Variants in PUM2 observed in about 807,000 individuals in gnomAD.
PUM2 encodes pumilio RNA binding family member 2, also known as pumilio homolog 2.
In PUM2, 57 loss-of-function variants were observed where a neutral mutation model predicts 124.5. The observed-to-expected ratio is 0.46, with a 90% CI of 0.37 to 0.57. The LOEUF (loss-of-function observed/expected upper bound fraction) is 0.57. Ranked by LOEUF, PUM2 falls within the 20% of genes least tolerant of loss-of-function variation. The pLI is 0.00. For synonymous variants in PUM2, 460 were observed against 446.1 expected (o/e 1.03, Z -0.39); for missense variants, 1,065 against 1,290.6 (o/e 0.83, Z 2.68).
intron 13 of PUM2, among the ~76,000 whole-genome samples, chr2:20,274,522 G>A (rs34065896): frequency 0.14 from 20,687 of 152,012 alleles, 2,129 homozygotes; most frequent in East Asian, 0.5. Context: ...TGGAAGACAG[G>A]TTAGGAAATT....
intron 7 of PUM2, among the ~76,000 whole-genome samples, chr2:20,304,701 T>C (rs1192629927): frequency 3.3e-5 from 5 of 152,204 alleles, no homozygotes; most frequent in Admixed American, 2.0e-4. Flanking sequence ...GCATTTAAAA[T>C]GTGACTAGTT....
intron 13 of PUM2, among the ~76,000 whole-genome samples, chr2:20,277,602 A>C (rs1157160311): frequency 6.6e-6 from 1 of 152,098 alleles, no homozygotes; most frequent in Admixed American, 6.6e-5. Flanking sequence ...TGTATTAGTA[A>C]GTTTTTTTGC....
intron 16 of PUM2, among the ~76,000 whole-genome samples, chr2:20,256,605 T>C (rs1033976434): frequency 6.6e-5 from 10 of 152,312 alleles, no homozygotes; most frequent in African/African-American, 2.2e-4. Context: ...TTATTTTTAA[T>C]GGCTGAGTGA....
intron 13 of PUM2, among the ~76,000 whole-genome samples, chr2:20,274,666 A>G (rs1363920534): frequency 6.6e-6 from 1 of 151,982 alleles, no homozygotes; most frequent in Non-Finnish European, 1.5e-5. Context: ...CTTTTTGTTA[A>G]GAAAAAAATA....
rs1662977298 is a variant in PUM2, at chr2:20,250,235, T to C, written c.*1350A>G. 1.3e-5 allele frequency: 2 copies of C among 152,560 alleles called. No individual in the cohort carries two copies. Among genetic ancestry groups the C allele is most frequent in the Admixed American group, 1.3e-4 (2 of 15,266 alleles). The allele number at this position is 152,560 out of a possible 1,614,324, so 9.5% of individuals were successfully genotyped here. On this transcript the variant is annotated 3_prime_UTR_variant, in exon 21 of 21. Transcript: ENST00000361078. ...TCAACAACTATGTTATAAAACAAAA[T>C]GATCTCACAATAATAAAAAGAAAGC...
intron 14 of PUM2, among the ~76,000 whole-genome samples, chr2:20,261,563 T>A (rs1280945480): frequency 6.7e-6 from 1 of 148,994 alleles, no homozygotes; most frequent in African/African-American, 2.5e-5. Context: ...CACCCTCAGG[T>A]AGATTTCAGA....
chr2:20,318,847 C>A (rs548871440), intron 2 of PUM2, among the ~76,000 whole-genome samples: 2 of 152,208 alleles, frequency 1.3e-5, no homozygotes, highest in South Asian at 4.1e-4. Flanking sequence ...TAATTCTAGA[C>A]CTTAAACAAA....
At chr2:20,300,361 C>G (rs1676681174) in intron 7 of PUM2, among the ~76,000 whole-genome samples, 1 of 152,088 alleles carries the variant, frequency 6.6e-6, no homozygotes, top group South Asian at 2.1e-4. Context: ...GTTGGTCAGG[C>G]TGGTTGTGAA....
intron 10 of PUM2, among the ~76,000 whole-genome samples, chr2:20,284,376 A>G (rs987621201): frequency 1.3e-5 from 2 of 152,124 alleles, no homozygotes; most frequent in African/African-American, 4.8e-5. Flanking sequence ...TCCCTTAAAG[A>G]GTGCTGTCTT....
intron 2 of PUM2, among the ~76,000 whole-genome samples, chr2:20,321,707 T>C (rs183822399): frequency 6.6e-5 from 10 of 152,268 alleles, no homozygotes; most frequent in Non-Finnish European, 1.5e-4. Context: ...TGGAGAATCT[T>C]TTACTGTAGT....
chr2:20,261,373 G>A (rs1254818808), intron 14 of PUM2, among the ~76,000 whole-genome samples: 3 of 116,036 alleles, frequency 2.6e-5, no homozygotes, highest in Admixed American at 1.0e-4. Flanking sequence ...CAGCCTAAGC[G>A]ACAGAGTGAG....
rs528913127 is a variant in PUM2 at position 20,271,102 on chromosome 2, T to C, written c.1957+7481A>G. Among the ~76,000 whole-genome samples the C allele has an allele frequency of 9.9e-5, 15 of 152,144 alleles. No homozygotes were observed. In the South Asian group the frequency reaches 3.1e-3, roughly 32 times the overall value. The stretch of plus-strand genomic sequence containing the variant: ...ATGACAGTGAATAAGGATGTTTTTT[T>C]CTCCTAGTCAAGCAGAGGCTGGCTT... On this transcript the variant is annotated intron_variant, in intron 13 of 20. Coordinates refer to ENST00000361078, the MANE Select transcript of PUM2 (RefSeq NM_015317.5).
intron 3 of PUM2, among the ~76,000 whole-genome samples, chr2:20,315,836 C>CAAAAAAAAAAAAA (rs60828412): frequency 1.4e-5 from 1 of 72,352 alleles, no homozygotes; most frequent in African/African-American, 5.7e-5. Flanking sequence ...AACCTGGTCT[C>CAAAAAAAAAAAAA]AAAAAAAAAA....
chr2:20,338,827 G>A (rs1414869013), intron 1 of PUM2, among the ~76,000 whole-genome samples: 2 of 152,170 alleles, frequency 1.3e-5, no homozygotes, highest in Non-Finnish European at 2.9e-5. Context: ...GTAAAAACAG[G>A]ATGCAAGCAT....
chr2:20,297,803 T>C, intron 7 of PUM2, 125 bp from the exon 8 acceptor site: 2 of 942,324 alleles, frequency 2.1e-6, no homozygotes, highest in Non-Finnish European at 1.5e-6. Context: ...TGCATAATGG[T>C]TCAAATTTTT....
At chr2:20,308,269 G>C (rs770836341) in intron 6 of PUM2, 45 bp downstream of exon 6, 2 of 1,588,962 alleles carry the variant, frequency 1.3e-6, no homozygotes, top group Non-Finnish European at 1.7e-6. Context: ...GGCTAAACCA[G>C]TATACAGTTA....
intron 14 of PUM2, 119 bp from the exon 15 acceptor site, chr2:20,260,585 T>G (rs962620619): frequency 2.3e-6 from 2 of 871,620 alleles, no homozygotes; most frequent in East Asian, 2.8e-5. Flanking sequence ...ATACTTTATA[T>G]AGTAGACAGC....
Position 20,327,367 on chromosome 2 carries a change from C to T in PUM2, c.-7G>A. 1 of 1,574,798 alleles carries T rather than the reference C, an allele frequency of 6.4e-7. No homozygotes were observed. The highest frequency in any genetic ancestry group is 8.7e-7 in the Non-Finnish European group (1 of 1,147,606). On this transcript the variant is annotated 5_prime_UTR_variant, in exon 2 of 21. Coordinates refer to ENST00000361078, the MANE Select transcript of PUM2 (RefSeq NM_015317.5). ...CTTGAAAATCATGATTCATTTCATC[C>T]ACAGATCAAACCTGTTGAATAACAA...
Position 20,302,719 on chromosome 2 carries a change from A to C in PUM2, c.884-5041T>G, listed in dbSNP as rs183826901. ...GAAACTGTGCTCCAAAAAGTTAAAGAAAGCAGTGACTAATGAAAATTCTTG... is the reference window on the plus strand; with the variant it reads ...GAAACTGTGCTCCAAAAAGTTAAAGCAAGCAGTGACTAATGAAAATTCTTG... On this transcript the variant is annotated intron_variant, in intron 7 of 20. Coordinates refer to ENST00000361078, the MANE Select transcript of PUM2 (RefSeq NM_015317.5). Among the ~76,000 whole-genome samples, 4 of 152,352 alleles carry C rather than the reference A, an allele frequency of 2.6e-5. No homozygotes were observed. The East Asian group carries it at 7.7e-4, about 29-fold the overall frequency.
Sources: gnomAD v4.1 joint callset for allele counts (sites outside exome capture counted in the v4.1 genomes callset) on GRCh38, gnomAD v4.1.1 for gene constraint, MANE v1.5 for transcripts, NCBI Gene and HGNC (gene_info 2026-07-23, HGNC 2026-07-21) for gene names.